The following FGF14 variants were observed in gnomAD, a reference collection of about 807,000 sequenced individuals.
FGF14 encodes the protein fibroblast growth factor homologous factor 4.
FGF14 carries 5 observed loss-of-function variants against 25.5 expected under a neutral mutation model. The ratio of observed to expected loss-of-function variants is 0.20; its 90% CI spans 0.10 to 0.41. The LOEUF is 0.41. Ranked by LOEUF, FGF14 falls within the 10% of genes least tolerant of loss-of-function variation. FGF14 has a pLI of 1.00. For missense variants in FGF14, 222 were observed against 320.1 expected, an observed-to-expected ratio of 0.69 and a Z score of 2.34; for synonymous variants, 138 against 118.3, an observed-to-expected ratio of 1.17 and a Z score of -1.08.
intron 1 of FGF14, among the ~76,000 whole-genome samples, chr13:102,161,570 A>AAAGAAGAAAGAAGAAGAAGAAAG (rs1555369389): frequency 1.8e-4 from 1 of 5,652 alleles, no homozygotes; most frequent in Non-Finnish European, 2.4e-4. Flanking sequence ...TTCTGTGAAG[A>AAAGAAGAAAGAAGAAGAAGAAAG]AAGAAAGAAG....
At chr13:102,251,899 G>T (rs953670802) in intron 1 of FGF14, among the ~76,000 whole-genome samples, 2 of 152,088 alleles carry the variant, frequency 1.3e-5, no homozygotes, top group Non-Finnish European at 2.9e-5. Flanking sequence ...TGATAAATTT[G>T]AAATGAAATT....
intron 3 of FGF14, among the ~76,000 whole-genome samples, chr13:101,740,648 A>G (rs1282641454): frequency 6.6e-6 from 1 of 151,832 alleles, no homozygotes; most frequent in Non-Finnish European, 1.5e-5. Flanking sequence ...CAAATATTGC[A>G]GTTTTGTATT....
chr13:102,165,870 G>A (rs1363601315), intron 1 of FGF14, among the ~76,000 whole-genome samples: 1 of 151,448 alleles, frequency 6.6e-6, no homozygotes, highest in Non-Finnish European at 1.5e-5. Context: ...TGGAGGAAAG[G>A]GAAACAGGAG....
intron 3 of FGF14, among the ~76,000 whole-genome samples, chr13:101,739,089 G>GTATATATATATATATATATACATGTA (rs113467291): frequency 8.7e-6 from 1 of 114,784 alleles, no homozygotes; most frequent in African/African-American, 3.2e-5. Context: ...TACTTTAACA[G>GTATATATATATATATATATACATGTA]TATATATATA....
At chr13:102,035,503 T>A (rs965742273) in intron 1 of FGF14, among the ~76,000 whole-genome samples, 2 of 152,108 alleles carry the variant, frequency 1.3e-5, no homozygotes, top group Admixed American at 6.6e-5. Flanking sequence ...TTGTAGAAGG[T>A]GTGACTACTG....
chr13:101,743,762 C>G (rs1350607932), intron 3 of FGF14, among the ~76,000 whole-genome samples: 1 of 151,970 alleles, frequency 6.6e-6, no homozygotes, highest in Non-Finnish European at 1.5e-5. Context: ...GATATTTTTA[C>G]CATAAGCTTA....
chr13:101,883,139 A>G (rs1316319736), intron 1 of FGF14, among the ~76,000 whole-genome samples: 1 of 152,200 alleles, frequency 6.6e-6, no homozygotes, highest in Admixed American at 6.5e-5. Flanking sequence ...TTCATGAAGG[A>G]TACTGTAGCA....
chr13:101,753,987 G>A (rs1019509754), intron 3 of FGF14, among the ~76,000 whole-genome samples: 6 of 152,064 alleles, frequency 3.9e-5, no homozygotes, highest in Non-Finnish European at 8.8e-5. Context: ...AAACAAAATA[G>A]AAAACAAAGT....
chr13:101,950,516 T>C (rs1566482956), intron 1 of FGF14, among the ~76,000 whole-genome samples: 1 of 152,190 alleles, frequency 6.6e-6, no homozygotes, highest in Non-Finnish European at 1.5e-5. Context: ...TAGAGTGAGA[T>C]GCTTCAGAAA....
chr13:101,884,119 T>A (rs962738110), intron 1 of FGF14, among the ~76,000 whole-genome samples: 1 of 138,066 alleles, frequency 7.2e-6, no homozygotes, highest in Non-Finnish European at 1.5e-5. Context: ...AGTCACTATA[T>A]GATGTGTGCA....
At chr13:102,085,682 A>AT (rs2043862962) in intron 1 of FGF14, among the ~76,000 whole-genome samples, 1 of 152,232 alleles carries the variant, frequency 6.6e-6, no homozygotes, top group Non-Finnish European at 1.5e-5. Context: ...GTGAGAATAA[A>AT]TGTACTCAGG....
intron 1 of FGF14, among the ~76,000 whole-genome samples, chr13:102,046,528 C>G (rs943503419): frequency 1.3e-5 from 2 of 152,146 alleles, no homozygotes; most frequent in Admixed American, 1.3e-4. Flanking sequence ...AGGGTTAAAT[C>G]TGGGGTCTTA....
At chr13:101,786,090 C>A (rs924478790) in intron 3 of FGF14, among the ~76,000 whole-genome samples, 1 of 152,178 alleles carries the variant, frequency 6.6e-6, no homozygotes, top group Non-Finnish European at 1.5e-5. Flanking sequence ...ACAGCGCTGG[C>A]TGCTCACAAC....
rs531497447 is a variant in FGF14 at position 102,086,050 on chromosome 13, G to T, written c.209-210754C>A. On this transcript the variant is annotated intron_variant, in intron 1 of 4. Coordinates refer to the FGF14 transcript ENST00000376131. ...AGAGCAAGCAAAAGGGCAGGCTACT[G>T]CTTTTAAAACCCATGTAGGGATTAA... Among the ~76,000 whole-genome samples the T allele has an allele frequency of 4.9e-4, 75 of 152,318 alleles. 1 individual carries two copies. Among genetic ancestry groups the T allele is most frequent in the African/African-American group, 1.5e-3 (61 of 41,572 alleles).
At chr13:101,770,190 C>T (rs9513948) in intron 3 of FGF14, among the ~76,000 whole-genome samples, 143,305 of 152,148 alleles carry the variant, frequency 0.94, 68,144 homozygotes, top group East Asian at 1. Context: ...CCTGCATTCA[C>T]AACGGAAGAA....
At chr13:101,890,509 T>C (rs1055589420) in intron 1 of FGF14, among the ~76,000 whole-genome samples, 1 of 152,146 alleles carries the variant, frequency 6.6e-6, no homozygotes, top group African/African-American at 2.4e-5. Flanking sequence ...CCTAAGGTCA[T>C]CCCAGAAAGG....
intron 3 of FGF14, among the ~76,000 whole-genome samples, chr13:101,739,561 C>T (rs1385567527): frequency 1.3e-5 from 2 of 152,044 alleles, no homozygotes; most frequent in African/African-American, 4.8e-5. Context: ...CTAAGAGCAG[C>T]GTGAAGAATA....
chr13:101,916,371 G>A (rs1344834931), intron 1 of FGF14, 82 bp downstream of exon 1: 9 of 1,535,996 alleles, frequency 5.9e-6, no homozygotes, highest in African/African-American at 1.4e-5. Flanking sequence ...AAAACCGAGG[G>A]AGGGAAGGAG....
chr13:102,390,081 A>C (rs984805784), intron 1 of FGF14, among the ~76,000 whole-genome samples: 8 of 152,206 alleles, frequency 5.3e-5, no homozygotes, highest in African/African-American at 1.9e-4. Flanking sequence ...TGAGTGAAAA[A>C]GGCAAACTCA....
Sources: gnomAD v4.1 joint callset for allele counts (sites outside exome capture counted in the v4.1 genomes callset) on GRCh38, gnomAD v4.1.1 for gene constraint, MANE v1.5 for transcripts, NCBI Gene and HGNC (gene_info 2026-07-23, HGNC 2026-07-21) for gene names.